The following TMEM120A variants were observed in gnomAD, a reference collection of about 807,000 sequenced individuals.
TMEM120A encodes transmembrane protein 120A.
Under a neutral mutation model 54.3 loss-of-function variants are expected in TMEM120A, and 45 were observed. The observed-to-expected ratio is 0.83, with a 90% CI of 0.65 to 1.06. TMEM120A has a LOEUF of 1.06. TMEM120A is among the 50% of genes least tolerant of loss of function. The probability of loss-of-function intolerance (pLI) is 0.00; values close to 1 mark genes in which losing one functional copy is unlikely to be tolerated. For synonymous variants in TMEM120A, 204 were observed against 178.5 expected, an observed-to-expected ratio of 1.14 and a Z score of -1.14; for missense variants, 424 against 441.7, an observed-to-expected ratio of 0.96 and a Z score of 0.36.
chr7:75,987,287 T>C lies in TMEM120A; in HGVS notation c.919-2A>G. 1.3e-6 allele frequency: 2 copies of C among 1,594,686 alleles called. No individual in the cohort carries two copies. Among genetic ancestry groups the C allele is most frequent in the Non-Finnish European group, 1.7e-6 (2 of 1,171,578 alleles). On this transcript the variant is annotated splice_acceptor_variant, in intron 11 of 11. Coordinates refer to ENST00000493111, the MANE Select transcript of TMEM120A (RefSeq NM_031925.3). LOFTEE classifies it high-confidence loss of function. Reference sequence around the variant, plus strand: ...GAAGGGAAAGCCGCACATAAGCACCTGCCGGAGGAATAGGGTGAGGGCTGG... The same window carrying C: ...GAAGGGAAAGCCGCACATAAGCACCCGCCGGAGGAATAGGGTGAGGGCTGG...
At chr7:75,992,625 G>GT in intron 1 of TMEM120A, 68 bp from the exon 2 acceptor site, 1 of 1,204,090 alleles carries the variant, frequency 8.3e-7, no homozygotes, top group Non-Finnish European at 1.2e-6. Context: ...CAGGCAGGAC[G>GT]TGGCGCTCAG....
At position 75,994,593 on chromosome 7, in the gene TMEM120A, A is replaced by G. The variant is rs1790000137; in HGVS notation, c.-23T>C. The G allele has an allele frequency of 1.3e-6, 2 of 1,504,020 alleles. No individual in the cohort carries two copies. Among genetic ancestry groups the G allele is most frequent in the Non-Finnish European group, 1.8e-6 (2 of 1,123,282 alleles). The allele number at this position is 1,504,020 out of a possible 1,614,324, so 93.2% of individuals were successfully genotyped here. A position where few individuals can be genotyped will look rare whatever the true frequency, so the allele number is the denominator to read the frequency against. On this transcript the variant is annotated 5_prime_UTR_variant, in exon 1 of 12. Transcript: ENST00000493111. ...CATGGCTGCAGCGCCAGTAGCCAGTAGTGGAGGACGGCGCAGCAACCCCGG... is the reference window on the plus strand; with the variant it reads ...CATGGCTGCAGCGCCAGTAGCCAGTGGTGGAGGACGGCGCAGCAACCCCGG...
At chr7:75,991,552 C>G (rs1257316781) in intron 3 of TMEM120A, among the ~76,000 whole-genome samples, 3 of 152,090 alleles carry the variant, frequency 2.0e-5, no homozygotes, top group African/African-American at 7.2e-5. Context: ...ATTACAGGTG[C>G]ATGCCACAAT....
rs563851207 is a variant in TMEM120A at position 75,987,817 on chromosome 7, C to T, written c.692-7G>A. 62 of 1,610,694 alleles carry T rather than the reference C, an allele frequency of 3.8e-5. No homozygotes were observed. Among genetic ancestry groups the T allele is most frequent in the Non-Finnish European group, 4.6e-5 (54 of 1,179,160 alleles). ...TGGAGAAACTGCACGAAGCCTGGGC[C>T]GGGCGGAGGACAGAGGAGCAGGGCT... On this transcript the variant is annotated splice_region_variant and splice_polypyrimidine_tract_variant and intron_variant, in intron 8 of 11. Transcript: ENST00000493111.
At chr7:75,991,448 CA>C (rs1210961062) in intron 3 of TMEM120A, among the ~76,000 whole-genome samples, 1 of 152,160 alleles carries the variant, frequency 6.6e-6, no homozygotes, top group Non-Finnish European at 1.5e-5. Flanking sequence ...CTCTGTTGCC[CA>C]GGCTACAGTC....
At chr7:75,989,035 TGGGGGGTGGAGGGGAAGGC>T (rs1554561161) in intron 4 of TMEM120A, 111 bp downstream of exon 4, 1,553 of 107,244 alleles carry the variant, frequency 0.014, 70 homozygotes, top group African/African-American at 0.022. Context: ...AAGGCCGGGT[TGGGGGGTGGAGGGGAAGGC>T]CGGGTTCCGG....
In TMEM120A at chr7:75,986,962, C is replaced by A. The variant is rs1480594308; in HGVS notation, c.*210G>T. On this transcript the variant is annotated 3_prime_UTR_variant, in exon 12 of 12. Transcript: ENST00000493111. ...GGGGCCACCCAGCCCTCCCCTCCCCCAGGAGAACACACACGCTCAGGCCAC... is the reference window on the plus strand; with the variant it reads ...GGGGCCACCCAGCCCTCCCCTCCCCAAGGAGAACACACACGCTCAGGCCAC... 8.3e-6 allele frequency: 5 copies of A among 605,032 alleles called. No homozygotes were observed. Among genetic ancestry groups the A allele is most frequent in the South Asian group, 2.0e-5 (1 of 49,412 alleles). 37.5% of individuals were successfully genotyped at this position (605,032 alleles called of 1,614,324 possible).
chr7:75,994,202 G>A (rs112680895), intron 1 of TMEM120A, among the ~76,000 whole-genome samples: 24,787 of 152,190 alleles, frequency 0.16, 2,498 homozygotes, highest in East Asian at 0.28. Flanking sequence ...TGACTCAGGC[G>A]GCCGCTCTCT....
At position 75,992,547 on chromosome 7, in the gene TMEM120A, C is replaced by G. The variant is rs982855347; in HGVS notation, c.92G>C (p.Arg31Pro). Residue 31 changes from arginine to proline, a missense_variant, in exon 2 of 12, where the codon CGG becomes CCG. By Grantham distance (103) the Arg-to-Pro change is moderately radical (BLOSUM62 -2). Transcript: ENST00000493111. ...QDFQNIQETHRLYRLKLEELT... is the reference protein window; with the variant it reads ...QDFQNIQETHPLYRLKLEELT... ...CTCCTCCAGCTTCAGGCGGTAGAGC[C>G]GATGGGTCTCCTGGGGGCCGGAGGG... 3 of 1,575,840 alleles carry G rather than the reference C, an allele frequency of 1.9e-6. No homozygotes were observed. Among genetic ancestry groups the G allele is most frequent in the Non-Finnish European group, 2.6e-6 (3 of 1,162,032 alleles).
intron 1 of TMEM120A, 143 bp from the exon 2 acceptor site, chr7:75,992,700 G>A (rs1319814097): frequency 1.6e-6 from 1 of 632,584 alleles, no homozygotes; most frequent in Admixed American, 2.9e-5. Context: ...TGCCTGCCCA[G>A]GGATGAGGTG....
At chr7:75,989,281 A>T in intron 3 of TMEM120A, 57 bp from the exon 4 acceptor site, 1 of 1,191,908 alleles carries the variant, frequency 8.4e-7, no homozygotes. Context: ...AGCCACCGGT[A>T]CTCAGCCAAG....
chr7:75,993,853 A>G (rs1789938658), intron 1 of TMEM120A, among the ~76,000 whole-genome samples: 2 of 151,896 alleles, frequency 1.3e-5, no homozygotes, highest in Admixed American at 6.6e-5. Flanking sequence ...GGCCCTGGGG[A>G]GCTCAGTCCA....
Position 75,987,773 on chromosome 7 carries a change from G to A in TMEM120A, c.729C>T (p.Gly243=), listed in dbSNP as rs1554560307. The stretch of plus-strand genomic sequence containing the variant: ...CCAGCGCCCGCAGGCGGTAGAGGCA[G>A]CCGCTCTGGTAGTAGTACTGGAGAA... The part of the protein sequence containing the change: ...VQFLQYYYQS[G]CLYRLRALGE... Residue 243 remains glycine, a synonymous_variant, in exon 9 of 12, where the codon GGC becomes GGT. Coordinates refer to ENST00000493111, the MANE Select transcript of TMEM120A (RefSeq NM_031925.3). 6.2e-7 allele frequency: 1 copy of A among 1,612,312 alleles called. No homozygotes were observed. Among genetic ancestry groups the A allele is most frequent in the Admixed American group, 1.7e-5 (1 of 59,956 alleles).
In TMEM120A at chr7:75,987,764, G is replaced by A. The variant is rs782763009; in HGVS notation, c.738C>T (p.Tyr246=). ...LQYYYQSGCL[Y]RLRALGERHT... is the part of the protein sequence containing the mutation. ...GCCGCTCGCCCAGCGCCCGCAGGCGGTAGAGGCAGCCGCTCTGGTAGTAGT... is the reference window on the plus strand; with the variant it reads ...GCCGCTCGCCCAGCGCCCGCAGGCGATAGAGGCAGCCGCTCTGGTAGTAGT... Residue 246 remains tyrosine, a synonymous_variant, in exon 9 of 12, where the codon TAC becomes TAT. Transcript: ENST00000493111. The A allele has an allele frequency of 2.5e-5, 41 of 1,612,190 alleles. No individual in the cohort carries two copies. The East Asian group carries it at 4.7e-4, about 18-fold the overall frequency.
At chr7:75,989,743 G>C (rs140594993) in intron 3 of TMEM120A, among the ~76,000 whole-genome samples, 3 of 151,924 alleles carry the variant, frequency 2.0e-5, no homozygotes, top group African/African-American at 7.3e-5. Flanking sequence ...CTCCCGGGGC[G>C]TTTCTTCCCA....
chr7:75,992,212 C>T lies in TMEM120A; in HGVS notation c.249G>A (p.Leu83=). Residue 83 remains leucine (L), a synonymous_variant, in exon 3 of 12, where the codon CTG becomes CTA. Coordinates refer to ENST00000493111, the MANE Select transcript of TMEM120A (RefSeq NM_031925.3). ...PAEAEGAAQE[L]ENQMKERQGL... ...CTTGGCGCTCTTTCATCTGGTTCTC[C>T]AGCTCCTGTGCGGCCCCCTCGGCCT... 1.9e-6 allele frequency: 3 copies of T among 1,612,544 alleles called. No homozygotes were observed. Among genetic ancestry groups the T allele is most frequent in the Admixed American group, 1.7e-5 (1 of 59,860 alleles).
At chr7:75,988,174 C>T in intron 6 of TMEM120A, 26 bp from the exon 7 acceptor site, 8 of 1,611,168 alleles carry the variant, frequency 5.0e-6, no homozygotes, top group Non-Finnish European at 6.8e-6. Flanking sequence ...ACCATCACCC[C>T]CAGCGCCTGT....
chr7:75,987,205 A>G lies in TMEM120A; in HGVS notation c.999T>C (p.Phe333=), dbSNP rs1403446797. Residue 333 remains phenylalanine (F), a synonymous_variant, in exon 12 of 12, where the codon TTT becomes TTC. Transcript: ENST00000493111. ...TCTTGCTCCCGTGCCGCTGACTGTG[A>G]AACTTGTGGTGCACAACCCTCAGGG... ...FTTLRVVHHK[F]HSQRHGSKKD The G allele has an allele frequency of 5.0e-6, 8 of 1,607,942 alleles. No homozygotes were observed. Among genetic ancestry groups the G allele is most frequent in the Non-Finnish European group, 5.9e-6 (7 of 1,177,872 alleles).
In TMEM120A at chr7:75,992,495, G is replaced by A. The variant is rs369833707; in HGVS notation, c.144C>T (p.Thr48=). ...EELTKLQNNC[T]SSITRQKKRL... is the part of the protein sequence containing the mutation. Reference sequence around the variant, plus strand: ...GCTTCTTCTGCCGCGTGATGGAGCTGGTGCAATTGTTCTGAAGTTTGGTCA... The same window carrying A: ...GCTTCTTCTGCCGCGTGATGGAGCTAGTGCAATTGTTCTGAAGTTTGGTCA... Residue 48 remains threonine, a synonymous_variant, in exon 2 of 12, where the codon ACC becomes ACT. Transcript: ENST00000493111. The A allele has an allele frequency of 4.2e-5, 67 of 1,597,476 alleles. No homozygotes were observed. Among genetic ancestry groups the A allele is most frequent in the Non-Finnish European group, 5.4e-5 (63 of 1,172,482 alleles).
Sources: gnomAD v4.1 joint callset for allele counts (sites outside exome capture counted in the v4.1 genomes callset) on GRCh38, gnomAD v4.1.1 for gene constraint, MANE v1.5 for transcripts, NCBI Gene and HGNC (gene_info 2026-07-23, HGNC 2026-07-21) for gene names.